The following EYS variants were observed in gnomAD, a reference collection of about 807,000 sequenced individuals.
EYS encodes the protein EGF-like photoreceptor maintenance factor, also known as protein eyes shut homolog.
Under a neutral mutation model 282.1 loss-of-function variants are expected in EYS, and 250 were observed. The ratio of observed to expected loss-of-function variants is 0.89; its 90% confidence interval spans 0.80 to 0.98. The LOEUF (loss-of-function observed/expected upper bound fraction) is 0.98. Among genes scored for constraint, EYS ranks in the 50% least tolerant of loss-of-function variants. EYS has a pLI of 0.00. For synonymous variants in EYS, 1,355 were observed against 1,282.9 expected (o/e 1.06, Z -1.20); for missense variants, 4,016 against 3,709.0 (o/e 1.08, Z -2.15).
At chr6:65,275,671 T>A (rs1291284000) in intron 12 of EYS, among the ~76,000 whole-genome samples, 2 of 152,168 alleles carry the variant, frequency 1.3e-5, no homozygotes, top group Admixed American at 1.3e-4. Flanking sequence ...AGCCAATGGT[T>A]TGACTGGATG....
At chr6:64,872,078 A>G (rs1766615612) in intron 19 of EYS, among the ~76,000 whole-genome samples, 1 of 152,040 alleles carries the variant, frequency 6.6e-6, no homozygotes, top group South Asian at 2.1e-4. Flanking sequence ...TTATGGTGGT[A>G]GCAAATTCAA....
At chr6:64,249,228 A>G (rs1767126422) in intron 30 of EYS, among the ~76,000 whole-genome samples, 1 of 152,168 alleles carries the variant, frequency 6.6e-6, no homozygotes, top group Admixed American at 6.5e-5. Context: ...TGTCTTTTGC[A>G]GCAACATGAA....
rs112895750 is a variant in EYS, at chr6:64,719,256, A to G, written c.3444-93011T>C. 2.0e-3 allele frequency among the ~76,000 whole-genome samples: 310 copies of G among 152,258 alleles called. 1 individual carries two copies. Among genetic ancestry groups the G allele is most frequent in the African/African-American group, 6.6e-3 (274 of 41,544 alleles). ...GACACCTTGATTTGGGCCTTTCCCA[A>G]CCTGAAATGGAGAAGCAAAACAAGT... On this transcript the variant is annotated intron_variant, in intron 22 of 42. Transcript: ENST00000503581.
chr6:64,115,865 C>A (rs1465105175), intron 31 of EYS, among the ~76,000 whole-genome samples: 1 of 152,016 alleles, frequency 6.6e-6, no homozygotes, highest in Non-Finnish European at 1.5e-5. Flanking sequence ...TATGAATTTC[C>A]TAACAATAAA....
intron 26 of EYS, among the ~76,000 whole-genome samples, chr6:64,462,315 T>C (rs532026716): frequency 3.9e-5 from 6 of 152,310 alleles, no homozygotes; most frequent in Admixed American, 3.9e-4. Flanking sequence ...AAAAACAGCA[T>C]TTAATTAAGA....
At chr6:64,471,562 A>G (rs1274489358) in intron 26 of EYS, among the ~76,000 whole-genome samples, 3 of 151,080 alleles carry the variant, frequency 2.0e-5, no homozygotes, top group African/African-American at 7.3e-5. Context: ...AAACAACAAA[A>G]CACTGATGAA....
At chr6:63,935,015 T>G (rs1381149366) in intron 35 of EYS, among the ~76,000 whole-genome samples, 1 of 152,212 alleles carries the variant, frequency 6.6e-6, no homozygotes, top group Non-Finnish European at 1.5e-5. Context: ...ATATGTACAT[T>G]TCCCCATTAT....
At chr6:64,529,150 AAAG>A (rs1459712963) in intron 26 of EYS, among the ~76,000 whole-genome samples, 2 of 152,024 alleles carry the variant, frequency 1.3e-5, no homozygotes, top group African/African-American at 4.8e-5. Context: ...TTGTATGTAC[AAAG>A]AAGGCTCTGA....
At chr6:65,548,797 C>T (rs1768490295) in intron 2 of EYS, among the ~76,000 whole-genome samples, 1 of 152,208 alleles carries the variant, frequency 6.6e-6, no homozygotes, top group Non-Finnish European at 1.5e-5. Flanking sequence ...GATACAAATA[C>T]ACAGACAATT....
chr6:64,860,905 T>G (rs542379145), intron 19 of EYS, among the ~76,000 whole-genome samples: 1 of 152,274 alleles, frequency 6.6e-6, no homozygotes, highest in African/African-American at 2.4e-5. Flanking sequence ...TCCTGGAGTC[T>G]GATTGAGTTC....
chr6:65,148,379 A>T (rs72881716), intron 12 of EYS, among the ~76,000 whole-genome samples: 23,404 of 152,120 alleles, frequency 0.15, 2,000 homozygotes, highest in Non-Finnish European at 0.18. Context: ...TCTGAAATCC[A>T]ATAGAACAGA....
chr6:64,691,113 A>G (rs985822251), intron 22 of EYS, among the ~76,000 whole-genome samples: 36 of 152,308 alleles, frequency 2.4e-4, no homozygotes, highest in African/African-American at 8.7e-4. Flanking sequence ...CATGATTTAA[A>G]TAACTATTAG....
At chr6:65,398,684 G>A (rs532548913) in intron 7 of EYS, among the ~76,000 whole-genome samples, 6 of 152,124 alleles carry the variant, frequency 3.9e-5, no homozygotes, top group Admixed American at 2.6e-4. Flanking sequence ...TCATGTCTCT[G>A]GCACTGGCTT....
chr6:64,972,227 G>A (rs1003139974), intron 14 of EYS, among the ~76,000 whole-genome samples: 1 of 152,150 alleles, frequency 6.6e-6, no homozygotes, highest in South Asian at 2.1e-4. Context: ...TCTGGCAGAA[G>A]AGTTCTGATT....
chr6:63,878,615 TG>T (rs1281706636), intron 35 of EYS, among the ~76,000 whole-genome samples: 2 of 152,198 alleles, frequency 1.3e-5, no homozygotes, highest in Admixed American at 6.5e-5. Context: ...TGAACTGCGG[TG>T]GGCTCCACCC....
intron 16 of EYS, among the ~76,000 whole-genome samples, chr6:64,908,132 A>G (rs2150074534): frequency 6.6e-6 from 1 of 152,190 alleles, no homozygotes; most frequent in East Asian, 1.9e-4. Flanking sequence ...GATTTTTCTC[A>G]GCCCGTTTGG....
In EYS at chr6:63,744,860, G is replaced by A. The variant is rs373283766; in HGVS notation, c.8071+17601C>T. On this transcript the variant is annotated intron_variant, in intron 41 of 42. Coordinates refer to ENST00000503581, the MANE Select transcript of EYS (RefSeq NM_001142800.2). ...TGAGATTACAGGCATGAGCCACTGC[G>A]CCCGGCCAGATGGGCTTCTTTTAAA... The A allele has an allele frequency of 7.4e-5, 21 of 285,316 alleles. No individual in the cohort carries two copies. The East Asian group carries it at 2.0e-3, about 27-fold the overall frequency. The allele number at this position is 285,316 out of a possible 1,614,324, so 17.7% of individuals were successfully genotyped here. A position where few individuals can be genotyped will look rare whatever the true frequency, so the allele number is the denominator to read the frequency against.
chr6:64,394,349 G>A (rs956306162), intron 28 of EYS, among the ~76,000 whole-genome samples: 1 of 151,918 alleles, frequency 6.6e-6, no homozygotes, highest in Non-Finnish European at 1.5e-5. Flanking sequence ...AAAGAACAAA[G>A]CTGGAGGCAT....
intron 12 of EYS, among the ~76,000 whole-genome samples, chr6:65,076,758 C>T (rs1268667450): frequency 2.0e-5 from 3 of 151,752 alleles, no homozygotes; most frequent in Non-Finnish European, 2.9e-5. Flanking sequence ...AAGAGGCATG[C>T]TGAGTACTTC....
Sources: gnomAD v4.1 joint callset for allele counts (sites outside exome capture counted in the v4.1 genomes callset) on GRCh38, gnomAD v4.1.1 for gene constraint, MANE v1.5 for transcripts, NCBI Gene and HGNC (gene_info 2026-07-23, HGNC 2026-07-21) for gene names.